SH3BP4: variants seen among roughly 807,000 people sequenced by gnomAD.
SH3BP4 encodes SH3 domain-binding protein 4.
SH3BP4 carries 33 observed loss-of-function variants against 65.5 expected under a neutral mutation model. The ratio of observed to expected loss-of-function variants is 0.50; its 90% CI spans 0.38 to 0.67. The LOEUF (loss-of-function observed/expected upper bound fraction) is 0.67. SH3BP4 is among the 30% of genes least tolerant of loss of function. SH3BP4 has a pLI of 0.00. For synonymous variants in SH3BP4, 552 were observed against 545.5 expected, an observed-to-expected ratio of 1.01 and a Z score of -0.17; for missense variants, 1,134 against 1,261.4, an observed-to-expected ratio of 0.90 and a Z score of 1.53.
At chr2:235,012,529 G>A (rs1268139461) in intron 2 of SH3BP4, among the ~76,000 whole-genome samples, 3 of 152,188 alleles carry the variant, frequency 2.0e-5, no homozygotes, top group South Asian at 2.1e-4. Flanking sequence ...CAGCCGCACC[G>A]CAAGGGAGGG....
At chr2:234,960,633 G>A (rs986482508) in intron 1 of SH3BP4, among the ~76,000 whole-genome samples, 1 of 152,176 alleles carries the variant, frequency 6.6e-6, no homozygotes, top group South Asian at 2.1e-4. Flanking sequence ...GAAAGCAGAC[G>A]CAACTGTTTG....
intron 2 of SH3BP4, among the ~76,000 whole-genome samples, chr2:235,028,618 A>C (rs570790883): frequency 3.3e-5 from 5 of 152,280 alleles, no homozygotes; most frequent in East Asian, 3.9e-4. Context: ...AGAAAAAGAC[A>C]AACAGATGGT....
Position 234,991,572 on chromosome 2 carries a change from C to T in SH3BP4, c.-206-3731C>T, listed in dbSNP as rs80342790. 0.016 allele frequency among the ~76,000 whole-genome samples: 2,432 copies of T among 152,314 alleles called. 72 individuals are homozygous for T. Among genetic ancestry groups the T allele is most frequent in the African/African-American group, 0.055 (2,307 of 41,574 alleles). On this transcript the variant is annotated intron_variant, in intron 1 of 5. Coordinates refer to ENST00000392011, the MANE Select transcript of SH3BP4 (RefSeq NM_014521.3). This position sits in a 1 kb window ranked among gnomAD's most constrained non-coding sequence, Gnocchi z 4.2. ...AGACTTTCTGCTAATTCCATCCACC[C>T]ACGCTAAACCGTGTGGTTTTCTTGG...
intron 1 of SH3BP4, among the ~76,000 whole-genome samples, chr2:234,980,511 C>A (rs1023794333): frequency 1.3e-5 from 2 of 152,164 alleles, no homozygotes; most frequent in African/African-American, 4.8e-5. Context: ...CTTAATTATT[C>A]TTTCTGCTCC....
chr2:235,026,352 C>A lies in SH3BP4; in HGVS notation c.-132-8519C>A, dbSNP rs757162992. On this transcript the variant is annotated intron_variant, in intron 2 of 5. Coordinates refer to ENST00000392011, the MANE Select transcript of SH3BP4 (RefSeq NM_014521.3). The surrounding 1 kb of genome is among the most constrained non-coding windows in gnomAD (Gnocchi z 4.6). Reference sequence around the variant, plus strand: ...TAAAAACTGAGCAAGCAAGGAACACCTAGTGACGACTCATGGCCCTTGTTT... The same window carrying A: ...TAAAAACTGAGCAAGCAAGGAACACATAGTGACGACTCATGGCCCTTGTTT... Among the ~76,000 whole-genome samples, 2 of 152,132 alleles carry A rather than the reference C, an allele frequency of 1.3e-5. No homozygotes were observed. The highest frequency in any genetic ancestry group is 2.9e-5 in the Non-Finnish European group (2 of 68,042).
rs61639885 is a variant in SH3BP4 at position 235,045,685 on chromosome 2, G to GA, written c.2478+2438_2478+2439insA. ...GAAACCACAGACGGATTTCTCCCAG[G>GA]TCGTTTATTAGGAGACCCTGAAAAC... On this transcript the variant is annotated intron_variant, in intron 4 of 5. Transcript: ENST00000392011. The surrounding 1 kb of genome is among the most constrained non-coding windows in gnomAD (Gnocchi z 4.3). Among the ~76,000 whole-genome samples, 2,226 of 151,594 alleles carry GA rather than the reference G, an allele frequency of 0.015. 61 individuals are homozygous for GA. Among genetic ancestry groups the GA allele is most frequent in the African/African-American group, 0.05 (2,073 of 41,376 alleles).
intron 2 of SH3BP4, among the ~76,000 whole-genome samples, chr2:235,024,277 C>T (rs1162528045): frequency 6.6e-6 from 1 of 152,228 alleles, no homozygotes; most frequent in Non-Finnish European, 1.5e-5. Context: ...AAAGTCATCT[C>T]TCCTAAGCGA....
intron 1 of SH3BP4, among the ~76,000 whole-genome samples, chr2:234,961,617 A>G (rs983147037): frequency 3.3e-5 from 5 of 152,068 alleles, no homozygotes; most frequent in Admixed American, 1.3e-4. Flanking sequence ...GCAGTTCATC[A>G]TGCCTTGCTT....
chr2:234,988,729 A>G (rs181243144), intron 1 of SH3BP4, among the ~76,000 whole-genome samples: 9 of 152,290 alleles, frequency 5.9e-5, no homozygotes, highest in Non-Finnish European at 1.2e-4. Flanking sequence ...GGGGGGACGC[A>G]TGAACAGGTG....
In SH3BP4 at chr2:235,042,309, C is replaced by A. The variant is rs1480194461; in HGVS notation, c.1540C>A (p.Pro514Thr). The A allele has an allele frequency of 3.1e-6, 5 of 1,614,034 alleles. No homozygotes were observed. The highest frequency in any genetic ancestry group is 4.2e-6 in the Non-Finnish European group (5 of 1,180,044). ...GGTCAGCGAGGTCACACGCCAGGCA[C>A]CCAACCCTGCCCCGGTGGCCCTGCA... ...LLVSEVTRQA[P>T]NPAPVALQLW... The change falls in exon 4 of 6, where the codon CCC becomes ACC. Residue 514 changes from proline to threonine, a missense_variant. By Grantham distance (38) the Pro-to-Thr change is conservative. Coordinates refer to ENST00000392011, the MANE Select transcript of SH3BP4 (RefSeq NM_014521.3). The surrounding 1 kb of genome is among the most constrained non-coding windows in gnomAD (Gnocchi z 7.3).
chr2:235,031,826 A>G (rs1695211605), intron 2 of SH3BP4, among the ~76,000 whole-genome samples: 1 of 152,216 alleles, frequency 6.6e-6, no homozygotes, highest in African/African-American at 2.4e-5. Context: ...AGGCCCCACC[A>G]GGGCTGGCGA....
At position 234,956,409 on chromosome 2, in the gene SH3BP4, C is replaced by T. The variant is rs141534663; in HGVS notation, c.-207+4239C>T. 3.2e-3 allele frequency among the ~76,000 whole-genome samples: 493 copies of T among 152,270 alleles called. 4 individuals carry two copies. Among genetic ancestry groups the T allele is most frequent in the African/African-American group, 0.011 (471 of 41,558 alleles). On this transcript the variant is annotated intron_variant, in intron 1 of 5. Transcript: ENST00000392011. ...ATACTAATGAGATTATTCTTATCTG[C>T]GCAATAAAAGCTTATCTCAGGGGAG...
chr2:235,020,807 C>A (rs570523226), intron 2 of SH3BP4, among the ~76,000 whole-genome samples: 150 of 152,176 alleles, frequency 9.9e-4, no homozygotes, highest in African/African-American at 3.5e-3. Context: ...TTCCATTTTG[C>A]AGCTAAGGAG....
At chr2:235,053,023 G>C (rs1696111340) in intron 5 of SH3BP4, among the ~76,000 whole-genome samples, 1 of 152,204 alleles carries the variant, frequency 6.6e-6, no homozygotes, top group Non-Finnish European at 1.5e-5. Flanking sequence ...TGTTCATTTT[G>C]ATCTTAAATT....
chr2:235,002,120 CCA>C (rs1694121070), intron 2 of SH3BP4, among the ~76,000 whole-genome samples: 1 of 152,182 alleles, frequency 6.6e-6, no homozygotes, highest in South Asian at 2.1e-4. Context: ...CTCGGCCTCC[CCA>C]GAGTGCTGGG....
intron 1 of SH3BP4, among the ~76,000 whole-genome samples, chr2:234,990,216 G>A (rs1039230278): frequency 6.6e-6 from 1 of 152,168 alleles, no homozygotes; most frequent in African/African-American, 2.4e-5. Context: ...CGTGTATTTA[G>A]TTCTACTTTG....
At chr2:235,051,686 T>G (rs1696058773) in intron 4 of SH3BP4, among the ~76,000 whole-genome samples, 3 of 152,090 alleles carry the variant, frequency 2.0e-5, no homozygotes, top group African/African-American at 7.2e-5. Flanking sequence ...GTACACCCTG[T>G]CTCTGACCAG....
intron 2 of SH3BP4, among the ~76,000 whole-genome samples, chr2:235,021,066 G>GA (rs1694834153): frequency 6.6e-6 from 1 of 152,126 alleles, no homozygotes; most frequent in East Asian, 1.9e-4. Flanking sequence ...GAGTCTTTGT[G>GA]ACAGAGAATA....
At chr2:235,036,967 G>A (rs1695406911) in intron 3 of SH3BP4, among the ~76,000 whole-genome samples, 1 of 152,032 alleles carries the variant, frequency 6.6e-6, no homozygotes, top group African/African-American at 2.4e-5. Context: ...GGCGCCACAT[G>A]TGACCCAGGC....
Sources: gnomAD v4.1 joint callset for allele counts (sites outside exome capture counted in the v4.1 genomes callset) on GRCh38, gnomAD v4.1.1 for gene constraint, Gnocchi (gnomAD v3.1) non-coding constraint, MANE v1.5 for transcripts, NCBI Gene and HGNC (gene_info 2026-07-23, HGNC 2026-07-21) for gene names.